Variants in PPIP5K2 observed in about 807,000 individuals in gnomAD.
PPIP5K2 encodes the protein diphosphoinositol pentakisphosphate kinase 2.
Under a neutral mutation model 154.6 loss-of-function variants are expected in PPIP5K2, and 105 were observed. That is an observed-to-expected ratio of 0.68 (90% CI 0.58 to 0.80). The LOEUF (loss-of-function observed/expected upper bound fraction) is 0.80, where lower values mean the gene tolerates loss of function less well. Ranked by LOEUF, PPIP5K2 falls within the 30% of genes least tolerant of loss-of-function variation. The probability of loss-of-function intolerance (pLI) is 0.00; values close to 1 mark genes in which losing one functional copy is unlikely to be tolerated. For missense variants in PPIP5K2, 992 were observed against 1,504.6 expected (o/e 0.66, Z 5.64); for synonymous variants, 480 against 490.3 (o/e 0.98, Z 0.28).
chr5:103,138,334 A>G (rs1554205150), intron 4 of PPIP5K2, 50 bp from the exon 5 acceptor site: 8 of 1,121,732 alleles, frequency 7.1e-6, no homozygotes, highest in Middle Eastern at 2.0e-4. Context: ...TAATATATTC[A>G]TTGTGAAATG....
rs1803549911 is a variant in PPIP5K2 at position 103,206,991 on chromosome 5, A to G, written c.*5357A>G. The G allele has an allele frequency of 6.6e-6, 1 of 152,398 alleles. No homozygotes were observed. Among genetic ancestry groups the G allele is most frequent in the Non-Finnish European group, 1.5e-5 (1 of 68,102 alleles). 9.4% of individuals were successfully genotyped at this position (152,398 alleles called of 1,614,324 possible). A position where few individuals can be genotyped will look rare whatever the true frequency, so the allele number is the denominator to read the frequency against. ...CCAATAGCGAGGTCTCTGTGGAGGC[A>G]CCTGAAAAGTGTCTCAACCAAGGCC... On this transcript the variant is annotated 3_prime_UTR_variant, in exon 31 of 31. Transcript: ENST00000358359.
intron 3 of PPIP5K2, among the ~76,000 whole-genome samples, chr5:103,135,654 AT>A (rs1791356594): frequency 6.6e-6 from 1 of 152,092 alleles, no homozygotes; most frequent in Non-Finnish European, 1.5e-5. Context: ...CTGGTGTTGA[AT>A]TCCTGGCATC....
chr5:103,154,265 G>C (rs1795062467), intron 11 of PPIP5K2, among the ~76,000 whole-genome samples: 1 of 151,928 alleles, frequency 6.6e-6, no homozygotes, highest in Non-Finnish European at 1.5e-5. Context: ...AAAATTAGTA[G>C]AATGAAAGTT....
intron 29 of PPIP5K2, among the ~76,000 whole-genome samples, chr5:103,192,668 T>G (rs1190432437): frequency 2.0e-5 from 3 of 152,156 alleles, no homozygotes; most frequent in Non-Finnish European, 4.4e-5. Context: ...GTTTGTTCTG[T>G]GGTACTCTTG....
chr5:103,136,830 G>A lies in PPIP5K2; in HGVS notation c.401+8G>A. ...GTATCTCATACAAGATAGGTGAGTG[G>A]TGAAGTTGGCTGAATTAAGGGAAGG... On this transcript the variant is annotated splice_region_variant and intron_variant, in intron 4 of 30. Coordinates refer to ENST00000358359, the MANE Select transcript of PPIP5K2 (RefSeq NM_001276277.3). 2 of 1,603,078 alleles carry A rather than the reference G, an allele frequency of 1.2e-6. No homozygotes were observed. Among genetic ancestry groups the A allele is most frequent in the Non-Finnish European group, 1.7e-6 (2 of 1,170,126 alleles).
chr5:103,149,191 C>G lies in PPIP5K2; in HGVS notation c.784C>G (p.Arg262Gly). The G allele has an allele frequency of 6.2e-7, 1 of 1,613,658 alleles. No individual in the cohort carries two copies. The highest frequency in any genetic ancestry group is 8.5e-7 in the Non-Finnish European group (1 of 1,179,834). The change falls in exon 8 of 31, where the codon CGA becomes GGA. Residue 262 changes from arginine to glycine, a missense_variant. Arg to Gly is a moderately radical substitution (Grantham distance 125, BLOSUM62 -2). Coordinates refer to ENST00000358359, the MANE Select transcript of PPIP5K2 (RefSeq NM_001276277.3). ...VGPDYAHAEA[R>G]KSPALDGKVE... The stretch of plus-strand genomic sequence containing the variant: ...TCCAGATTATGCCCATGCTGAAGCT[C>G]GAAAATCTCCAGCACTTGATGGCAA...
chr5:103,190,724 A>G (rs1371676380), intron 28 of PPIP5K2, 118 bp from the exon 29 acceptor site: 3 of 797,118 alleles, frequency 3.8e-6, no homozygotes, highest in Non-Finnish European at 5.5e-6. Flanking sequence ...GTGTGTTTGC[A>G]TGTGATAGAC....
At chr5:103,162,279 C>A (rs1162782069) in intron 17 of PPIP5K2, among the ~76,000 whole-genome samples, 1 of 149,452 alleles carries the variant, frequency 6.7e-6, no homozygotes, top group Non-Finnish European at 1.5e-5. Context: ...GATATGAGTT[C>A]TTTGTTACAT....
At chr5:103,156,549 A>T (rs910343541) in intron 14 of PPIP5K2, among the ~76,000 whole-genome samples, 6 of 152,202 alleles carry the variant, frequency 3.9e-5, no homozygotes, top group African/African-American at 1.4e-4. Flanking sequence ...AGAAATGCAG[A>T]TGACCAATAA....
chr5:103,123,190 C>T (rs1789065418), intron 1 of PPIP5K2, among the ~76,000 whole-genome samples: 1 of 152,134 alleles, frequency 6.6e-6, no homozygotes, highest in Non-Finnish European at 1.5e-5. Context: ...TTAATATGTG[C>T]TATTTGCTGT....
Position 103,136,958 on chromosome 5 carries a change from T to C in PPIP5K2, c.401+136T>C. The C allele has an allele frequency of 3.0e-5, 20 of 673,998 alleles. No individual in the cohort carries two copies. In the South Asian group the frequency reaches 3.2e-4, roughly 11 times the overall value. 41.8% of individuals were successfully genotyped at this position (673,998 alleles called of 1,614,324 possible). On this transcript the variant is annotated intron_variant, in intron 4 of 30. Transcript: ENST00000358359. Reference sequence around the variant, plus strand: ...TCAAAATAATACTCAGAAATAGTTATTTATTACCTAATTTTACAGATGAGG... The same window carrying C: ...TCAAAATAATACTCAGAAATAGTTACTTATTACCTAATTTTACAGATGAGG...
intron 1 of PPIP5K2, among the ~76,000 whole-genome samples, chr5:103,126,124 C>A (rs1789634876): frequency 6.6e-6 from 1 of 152,116 alleles, no homozygotes; most frequent in Non-Finnish European, 1.5e-5. Context: ...CATATAACCC[C>A]ATGGTTGGTT....
intron 28 of PPIP5K2, among the ~76,000 whole-genome samples, chr5:103,189,606 T>C (rs946825426): frequency 5.3e-5 from 8 of 152,240 alleles, no homozygotes; most frequent in African/African-American, 1.7e-4. Context: ...AGTTTTGTTT[T>C]TGTTTTTGTT....
intron 30 of PPIP5K2, among the ~76,000 whole-genome samples, chr5:103,197,598 C>T (rs1448238448): frequency 4.1e-5 from 4 of 97,562 alleles, no homozygotes; most frequent in South Asian, 3.2e-4. Context: ...TTTTTTGAGA[C>T]GGAGTCTCCC....
At position 103,210,393 on chromosome 5, in the gene PPIP5K2, T is replaced by G. The variant is rs1238280777; in HGVS notation, c.*8759T>G. The G allele has an allele frequency of 6.6e-6, 1 of 152,146 alleles. No individual in the cohort carries two copies. Among genetic ancestry groups the G allele is most frequent in the Non-Finnish European group, 1.5e-5 (1 of 67,994 alleles). 9.4% of individuals were successfully genotyped at this position (152,146 alleles called of 1,614,324 possible). Reference sequence around the variant, plus strand: ...CTTGTGCTTCTGAAAATATTTATATTTAACCATGAGGTTATGATGATTTTT... The same window carrying G: ...CTTGTGCTTCTGAAAATATTTATATGTAACCATGAGGTTATGATGATTTTT... On this transcript the variant is annotated 3_prime_UTR_variant, in exon 31 of 31. Coordinates refer to ENST00000358359, the MANE Select transcript of PPIP5K2 (RefSeq NM_001276277.3).
At chr5:103,176,105 G>C (rs544011732) in intron 21 of PPIP5K2, among the ~76,000 whole-genome samples, 1 of 152,042 alleles carries the variant, frequency 6.6e-6, no homozygotes, top group African/African-American at 2.4e-5. Flanking sequence ...TTATAAATAA[G>C]ATTTCAGGAA....
At chr5:103,180,661 A>T (rs1799376955) in intron 24 of PPIP5K2, among the ~76,000 whole-genome samples, 1 of 151,904 alleles carries the variant, frequency 6.6e-6, no homozygotes. Context: ...CATCCTGGCT[A>T]ACATAGTGAA....
chr5:103,167,130 G>C lies in PPIP5K2; in HGVS notation c.1921-49G>C, dbSNP rs78771956. ...TTTGTATATATATATTGTTCTCTTAGACAATTAGGCATAACCAGATATAAA... is the reference window on the plus strand; with the variant it reads ...TTTGTATATATATATTGTTCTCTTACACAATTAGGCATAACCAGATATAAA... On this transcript the variant is annotated intron_variant, in intron 17 of 30. Coordinates refer to ENST00000358359, the MANE Select transcript of PPIP5K2 (RefSeq NM_001276277.3). 8.5e-3 allele frequency: 11,590 copies of C among 1,362,664 alleles called. 760 individuals carry two copies. The African/African-American group carries it at 0.15, about 18-fold the overall frequency. The allele number at this position is 1,362,664 out of a possible 1,614,324, so 84.4% of individuals were successfully genotyped here. A position where few individuals can be genotyped will look rare whatever the true frequency, so the allele number is the denominator to read the frequency against.
chr5:103,149,093 TACACAC>T, intron 7 of PPIP5K2, 53 bp from the exon 8 acceptor site: 3 of 1,172,810 alleles, frequency 2.6e-6, no homozygotes, highest in Non-Finnish European at 2.3e-6. Flanking sequence ...GTCTGTTGGT[TACACAC>T]ACACACACAC....
Sources: gnomAD v4.1 joint callset for allele counts (sites outside exome capture counted in the v4.1 genomes callset) on GRCh38, gnomAD v4.1.1 for gene constraint, MANE v1.5 for transcripts, NCBI Gene and HGNC (gene_info 2026-07-23, HGNC 2026-07-21) for gene names.